The following DEF6 variants were observed in gnomAD, a reference collection of about 807,000 sequenced individuals.
DEF6 encodes DEF6 guanine nucleotide exchange factor.
A neutral mutation model predicts 80.5 loss-of-function variants in DEF6; 32 were observed. That is an observed-to-expected ratio of 0.40 (90% CI 0.30 to 0.53). The LOEUF is 0.53. Ranked by LOEUF, DEF6 falls within the 20% of genes least tolerant of loss-of-function variation. The pLI is 0.57. For synonymous variants in DEF6, 300 were observed against 337.9 expected (o/e 0.89, Z 1.23); for missense variants, 575 against 818.7 (o/e 0.70, Z 3.63).
At position 35,319,506 on chromosome 6, in the gene DEF6, CA is replaced by C; in HGVS notation, c.1216-17del. On this transcript the variant is annotated splice_polypyrimidine_tract_variant and intron_variant, in intron 7 of 10. Coordinates refer to ENST00000316637, the MANE Select transcript of DEF6 (RefSeq NM_022047.4). This position sits in a 1 kb window ranked among gnomAD's most constrained non-coding sequence, Gnocchi z 4.5. ...CCTTTTGACCTGGCTCTTGGTCCAC[CA>C]CCTCCCCCCTCCACAGGCCCGGGCC... 6.3e-7 allele frequency: 1 copy of C among 1,598,574 alleles called. No homozygotes were observed. Among genetic ancestry groups the C allele is most frequent in the Non-Finnish European group, 8.5e-7 (1 of 1,171,668 alleles).
In DEF6 at chr6:35,312,847, C is replaced by A; in HGVS notation, c.807+75C>A. ...CAGGGGCATGAGAAGACAAGGGGGTCAGGAGAGGGGCAAATGGAGAAAAGC... is the reference window on the plus strand; with the variant it reads ...CAGGGGCATGAGAAGACAAGGGGGTAAGGAGAGGGGCAAATGGAGAAAAGC... On this transcript the variant is annotated intron_variant, in intron 5 of 10. Transcript: ENST00000316637. The surrounding 1 kb of genome is among the most constrained non-coding windows in gnomAD (Gnocchi z 6.6). 1.3e-6 allele frequency: 2 copies of A among 1,493,914 alleles called. No homozygotes were observed. The highest frequency in any genetic ancestry group is 1.8e-6 in the Non-Finnish European group (2 of 1,099,772). The allele number at this position is 1,493,914 out of a possible 1,614,324, so 92.5% of individuals were successfully genotyped here. A position where few individuals can be genotyped will look rare whatever the true frequency, so the allele number is the denominator to read the frequency against.
chr6:35,317,366 T>A (rs990008660), intron 5 of DEF6, among the ~76,000 whole-genome samples: 4 of 152,214 alleles, frequency 2.6e-5, no homozygotes, highest in Non-Finnish European at 4.4e-5. Context: ...ATGATGCATA[T>A]AAAATACTAG....
At chr6:35,301,422 T>A (rs1791313518) in intron 1 of DEF6, among the ~76,000 whole-genome samples, 1 of 152,178 alleles carries the variant, frequency 6.6e-6, no homozygotes, top group African/African-American at 2.4e-5. Flanking sequence ...ACTGTCCATC[T>A]TCAGTTTCTC....
chr6:35,318,402 G>C lies in DEF6; in HGVS notation c.1146G>C (p.Glu382Asp). ...RQAERLLQEE[E>D]ERRRSQHREL... ...CCGAGCGGCTGCTGCAGGAGGAGGA[G>C]GAACGGCGCCGCAGCCAGCACCGCG... Residue 382 changes from glutamate (E) to aspartate (D), a missense_variant, in exon 7 of 11, where the codon GAG becomes GAC. By Grantham distance (45) the Glu-to-Asp change is conservative. Transcript: ENST00000316637. The surrounding 1 kb of genome is among the most constrained non-coding windows in gnomAD (Gnocchi z 5.1). The C allele has an allele frequency of 6.5e-7, 1 of 1,530,888 alleles. No homozygotes were observed. The highest frequency in any genetic ancestry group is 8.7e-7 in the Non-Finnish European group (1 of 1,143,862). The allele number at this position is 1,530,888 out of a possible 1,614,324, so 94.8% of individuals were successfully genotyped here.
Position 35,321,248 on chromosome 6 carries a change from T to C in DEF6, c.1734T>C (p.Arg578=). Residue 578 remains arginine (R), a synonymous_variant, in exon 11 of 11, where the codon CGT becomes CGC. Coordinates refer to ENST00000316637, the MANE Select transcript of DEF6 (RefSeq NM_022047.4). The part of the protein sequence containing the change: ...SGFQPPLLAH[R]DSSLKRLTRW... ...TCCAGCCCCCTCTGCTTGCCCACCG[T>C]GACTCCTCCCTAAAGCGCCTGACCC... is the stretch of plus-strand genomic sequence containing the variant. 1 of 1,613,604 alleles carries C rather than the reference T, an allele frequency of 6.2e-7. No homozygotes were observed. Among genetic ancestry groups the C allele is most frequent in the Non-Finnish European group, 8.5e-7 (1 of 1,179,972 alleles).
Position 35,317,907 on chromosome 6 carries a change from A to G in DEF6, c.824A>G (p.Asp275Gly). Residue 275 changes from aspartate to glycine, a missense_variant, in exon 6 of 11, where the codon GAC (aspartate) becomes GGC (glycine). Asp to Gly is a moderately conservative substitution (Grantham distance 94, BLOSUM62 -1). Transcript: ENST00000316637. ...CTGTGCCAGGTGCTGCCAGACCGCGACGGAAAGCGCTGCATGTTCTGTGTG... is the reference window on the plus strand; with the variant it reads ...CTGTGCCAGGTGCTGCCAGACCGCGGCGGAAAGCGCTGCATGTTCTGTGTG... ...HCCVEVLPDR[D>G]GKRCMFCVKT... 6.2e-7 allele frequency: 1 copy of G among 1,613,732 alleles called. No homozygotes were observed. Among genetic ancestry groups the G allele is most frequent in the African/African-American group, 1.3e-5 (1 of 75,050 alleles).
intron 5 of DEF6, among the ~76,000 whole-genome samples, chr6:35,314,795 G>C (rs1436311187): frequency 1.4e-5 from 2 of 148,060 alleles, no homozygotes; most frequent in Non-Finnish European, 3.0e-5. Context: ...TTCTATTTTT[G>C]GTTTGGTTGC....
At chr6:35,308,369 C>CAA (rs1562147839) in intron 1 of DEF6, among the ~76,000 whole-genome samples, 31 of 127,694 alleles carry the variant, frequency 2.4e-4, no homozygotes, top group African/African-American at 7.1e-4. Context: ...CTGTCTCTAC[C>CAA]GAAAAAAAAA....
chr6:35,317,773 T>G, intron 5 of DEF6, 118 bp from the exon 6 acceptor site: 2 of 767,322 alleles, frequency 2.6e-6, no homozygotes, highest in Admixed American at 2.9e-5. Context: ...CCTGGCAGAG[T>G]GGGGTCCCCA....
Position 35,315,847 on chromosome 6 carries a change from C to CTTTTTTT in DEF6, c.808-2028_808-2022dup, listed in dbSNP as rs1159503411. ...CTCTAACGGTTTTTTGTTGGAGTCC[C>CTTTTTTT]TTTTTTTTTTTTTTTTTTTTTTGAG... On this transcript the variant is annotated intron_variant, in intron 5 of 10. Transcript: ENST00000316637. Among the ~76,000 whole-genome samples, 30 of 113,844 alleles carry CTTTTTTT rather than the reference C, an allele frequency of 2.6e-4. 1 individual carries two copies. The highest frequency in any genetic ancestry group is 9.7e-4 in the African/African-American group (26 of 26,796). 74.7% of individuals were successfully genotyped at this position (113,844 alleles called of 152,430 possible). A position where few individuals can be genotyped will look rare whatever the true frequency, so the allele number is the denominator to read the frequency against.
chr6:35,299,685 G>A (rs1791288072), intron 1 of DEF6, among the ~76,000 whole-genome samples: 1 of 152,194 alleles, frequency 6.6e-6, no homozygotes, highest in Admixed American at 6.5e-5. Context: ...CCTACTGCCA[G>A]CAACATCTCT....
rs551102880 is a variant in DEF6 at position 35,297,840 on chromosome 6, G to A, written c.-17G>A. ...CTTAGTGTCAGAGCCGCCCCCAGCC[G>A]GGCGGGCGCCTCAGCCATGGCCCTG... is the stretch of plus-strand genomic sequence containing the variant. On this transcript the variant is annotated 5_prime_UTR_variant, in exon 1 of 11. Coordinates refer to ENST00000316637, the MANE Select transcript of DEF6 (RefSeq NM_022047.4). The A allele has an allele frequency of 1.3e-5, 21 of 1,576,088 alleles. No individual in the cohort carries two copies. Among genetic ancestry groups the A allele is most frequent in the Admixed American group, 1.8e-5 (1 of 54,176 alleles).
chr6:35,305,276 G>T (rs965401560), intron 1 of DEF6, among the ~76,000 whole-genome samples: 2 of 150,798 alleles, frequency 1.3e-5, no homozygotes, highest in African/African-American at 4.9e-5. Flanking sequence ...CTCCTGAGTA[G>T]CTGGGACTAC....
At chr6:35,304,244 C>A (rs1791363549) in intron 1 of DEF6, among the ~76,000 whole-genome samples, 2 of 152,206 alleles carry the variant, frequency 1.3e-5, no homozygotes, top group Admixed American at 1.3e-4. Context: ...TCACCTGAGC[C>A]AGGGCGGTCG....
At chr6:35,300,714 C>A (rs1562145918) in intron 1 of DEF6, among the ~76,000 whole-genome samples, 1 of 152,232 alleles carries the variant, frequency 6.6e-6, no homozygotes, top group Non-Finnish European at 1.5e-5. Context: ...GAACACAAAA[C>A]TTCCCAGGAG....
At chr6:35,314,404 T>C (rs1461490916) in intron 5 of DEF6, among the ~76,000 whole-genome samples, 89 of 49,692 alleles carry the variant, frequency 1.8e-3, no homozygotes, top group African/African-American at 5.1e-3. Context: ...TGAAACTCTA[T>C]CTCAAAAAAA....
chr6:35,316,471 G>T (rs1300901072), intron 5 of DEF6, among the ~76,000 whole-genome samples: 5 of 152,164 alleles, frequency 3.3e-5, no homozygotes, highest in African/African-American at 4.8e-5. Context: ...GGGCATCCTT[G>T]TCTTGTTCCA....
In DEF6 at chr6:35,318,590, TG is replaced by T. The variant is rs1791551793; in HGVS notation, c.1215+123del. On this transcript the variant is annotated intron_variant, in intron 7 of 10. Coordinates refer to ENST00000316637, the MANE Select transcript of DEF6 (RefSeq NM_022047.4). The surrounding 1 kb of genome is among the most constrained non-coding windows in gnomAD (Gnocchi z 5.1). The stretch of plus-strand genomic sequence containing the variant: ...AGCTCCTGGGTTGAGGGGCGTGCAC[TG>T]GGGTGGAGCTTGAAATGAGGGATTG... 2 of 974,376 alleles carry T rather than the reference TG, an allele frequency of 2.1e-6. No individual in the cohort carries two copies. The highest frequency in any genetic ancestry group is 1.4e-6 in the Non-Finnish European group (1 of 732,940). 60.4% of individuals were successfully genotyped at this position (974,376 alleles called of 1,614,324 possible).
chr6:35,314,011 A>G (rs1271130902), intron 5 of DEF6, among the ~76,000 whole-genome samples: 1 of 152,156 alleles, frequency 6.6e-6, no homozygotes, highest in Non-Finnish European at 1.5e-5. Context: ...TTTTTGAGGA[A>G]CCTTCATACA....
Sources: gnomAD v4.1 joint callset for allele counts (sites outside exome capture counted in the v4.1 genomes callset) on GRCh38, gnomAD v4.1.1 for gene constraint, Gnocchi (gnomAD v3.1) non-coding constraint, MANE v1.5 for transcripts, NCBI Gene and HGNC (gene_info 2026-07-23, HGNC 2026-07-21) for gene names.